The following MBD5 variants were observed in gnomAD, a reference collection of about 807,000 sequenced individuals.
The protein encoded by MBD5 is methyl-CpG-binding domain protein 5.
Under a neutral mutation model 117.3 loss-of-function variants are expected in MBD5, and 13 were observed. That is an observed-to-expected ratio of 0.11 (90% CI 0.07 to 0.18). MBD5 has a LOEUF of 0.18. Ranked by LOEUF, MBD5 falls within the 10% of genes least tolerant of loss-of-function variation. The probability of loss-of-function intolerance (pLI) is 1.00; values close to 1 mark genes in which losing one functional copy is unlikely to be tolerated. For missense variants in MBD5, 1,879 were observed against 2,093.8 expected, an observed-to-expected ratio of 0.90 and a Z score of 2.00; for synonymous variants, 727 against 766.4, an observed-to-expected ratio of 0.95 and a Z score of 0.85.
intron 1 of MBD5, among the ~76,000 whole-genome samples, chr2:148,151,698 A>G (rs1024424948): frequency 4.6e-5 from 7 of 151,908 alleles, no homozygotes; most frequent in Non-Finnish European, 7.4e-5. Flanking sequence ...GAATTTATCC[A>G]TTTCTTCTAG....
At chr2:148,453,829 T>A (rs1415039099) in intron 4 of MBD5, among the ~76,000 whole-genome samples, 4 of 152,012 alleles carry the variant, frequency 2.6e-5, no homozygotes, top group Non-Finnish European at 5.9e-5. Flanking sequence ...ATTTTAATAT[T>A]TAGCAAAAGA....
chr2:148,317,480 T>C (rs1310074892), intron 3 of MBD5, among the ~76,000 whole-genome samples: 1 of 152,232 alleles, frequency 6.6e-6, no homozygotes, highest in Non-Finnish European at 1.5e-5. Context: ...TTTAGTATAT[T>C]TAGTGGGTAC....
chr2:148,232,355 A>G (rs919659994), intron 2 of MBD5, among the ~76,000 whole-genome samples: 5 of 152,222 alleles, frequency 3.3e-5, no homozygotes, highest in African/African-American at 1.2e-4. Flanking sequence ...ATTTTTAAAA[A>G]TCATTCTTTT....
intron 2 of MBD5, among the ~76,000 whole-genome samples, chr2:148,231,210 C>T (rs1462170175): frequency 6.6e-6 from 1 of 152,198 alleles, no homozygotes; most frequent in African/African-American, 2.4e-5. Flanking sequence ...ATGAGGCTTG[C>T]AGGAACTCAA....
intron 4 of MBD5, among the ~76,000 whole-genome samples, chr2:148,415,509 T>G (rs1016326270): frequency 6.6e-6 from 1 of 152,196 alleles, no homozygotes; most frequent in African/African-American, 2.4e-5. Context: ...AATGTTGGCC[T>G]CTCTAGCGAG....
rs552648713 is a variant in MBD5, at chr2:148,276,913, C to A, written c.-680+43518C>A. On this transcript the variant is annotated intron_variant, in intron 3 of 13. Coordinates refer to ENST00000642680, the MANE Select transcript of MBD5 (RefSeq NM_001378120.1). The stretch of plus-strand genomic sequence containing the variant: ...GATTTCAGAATTTGGGGTAAAAATT[C>A]TATTGGTTCTTATTTGAAAAAATTA... Among the ~76,000 whole-genome samples the A allele has an allele frequency of 5.9e-5, 9 of 152,188 alleles. No homozygotes were observed. In the East Asian group the frequency reaches 1.5e-3, roughly 26 times the overall value.
Position 148,513,001 on chromosome 2 carries a change from A to C in MBD5, c.*60A>C. 7.0e-7 allele frequency: 1 copy of C among 1,426,634 alleles called. No individual in the cohort carries two copies. The highest frequency in any genetic ancestry group is 9.9e-7 in the Non-Finnish European group (1 of 1,009,944). The allele number at this position is 1,426,634 out of a possible 1,614,324, so 88.4% of individuals were successfully genotyped here. On this transcript the variant is annotated 3_prime_UTR_variant, in exon 14 of 14. Transcript: ENST00000642680. ...AAGGAACATGCACAGATGTATCTGT[A>C]TATAGGTATTGATATAGCCACAGTT...
At chr2:148,417,322 A>G (rs1239166930) in intron 4 of MBD5, among the ~76,000 whole-genome samples, 2 of 104,062 alleles carry the variant, frequency 1.9e-5, no homozygotes, top group African/African-American at 3.7e-5. Context: ...TACTTTTAGT[A>G]GAGATGGGGT....
chr2:148,419,363 C>T (rs1304501809), intron 4 of MBD5, among the ~76,000 whole-genome samples: 1 of 152,104 alleles, frequency 6.6e-6, no homozygotes, highest in Non-Finnish European at 1.5e-5. Context: ...AAATATGACA[C>T]AAATACACAA....
At chr2:148,122,730 T>C (rs1035861075) in intron 1 of MBD5, among the ~76,000 whole-genome samples, 8 of 152,358 alleles carry the variant, frequency 5.3e-5, no homozygotes, top group African/African-American at 1.9e-4. Context: ...GTTAGTAAAC[T>C]ATGCTATGTT....
chr2:148,361,103 G>A (rs925698042), intron 4 of MBD5, among the ~76,000 whole-genome samples: 2 of 152,078 alleles, frequency 1.3e-5, no homozygotes, highest in African/African-American at 4.8e-5. Flanking sequence ...ATGCCAACAC[G>A]TTGGGAGGCC....
chr2:148,327,937 T>A (rs1240326889), intron 3 of MBD5, among the ~76,000 whole-genome samples: 2 of 152,068 alleles, frequency 1.3e-5, no homozygotes, highest in Non-Finnish European at 2.9e-5. Context: ...GAGTTTCCAG[T>A]TTTTCTGCTC....
chr2:148,265,491 T>C (rs1046247140), intron 3 of MBD5, among the ~76,000 whole-genome samples: 2 of 152,180 alleles, frequency 1.3e-5, no homozygotes, highest in Non-Finnish European at 2.9e-5. Flanking sequence ...TCACAGATTA[T>C]TGAACAGTTA....
chr2:148,210,404 T>G (rs2106005594), intron 2 of MBD5, among the ~76,000 whole-genome samples: 2 of 152,196 alleles, frequency 1.3e-5, no homozygotes, highest in East Asian at 3.9e-4. Flanking sequence ...CAAGAGATAA[T>G]AGGTCTTATA....
At chr2:148,123,561 G>A (rs777219655) in intron 1 of MBD5, among the ~76,000 whole-genome samples, 13 of 152,142 alleles carry the variant, frequency 8.5e-5, no homozygotes, top group Non-Finnish European at 1.6e-4. Flanking sequence ...GATGGGGGAT[G>A]GATAATATAG....
At chr2:148,391,099 T>C (rs1364405398) in intron 4 of MBD5, among the ~76,000 whole-genome samples, 1 of 152,132 alleles carries the variant, frequency 6.6e-6, no homozygotes, top group Non-Finnish European at 1.5e-5. Flanking sequence ...AAATTGAAAC[T>C]CCCAAGACTC....
intron 1 of MBD5, among the ~76,000 whole-genome samples, chr2:148,065,105 A>G (rs1478500979): frequency 6.6e-6 from 1 of 152,076 alleles, no homozygotes; most frequent in Admixed American, 6.5e-5. Context: ...ACCACTTTCT[A>G]AAAGGAAGAT....
chr2:148,510,470 A>T (rs1559109300), intron 13 of MBD5, among the ~76,000 whole-genome samples: 1 of 152,224 alleles, frequency 6.6e-6, no homozygotes, highest in South Asian at 2.1e-4. Context: ...TTATATATGT[A>T]GTAATGCAAA....
chr2:148,496,722 C>T (rs1030252461), intron 11 of MBD5, among the ~76,000 whole-genome samples: 3 of 152,174 alleles, frequency 2.0e-5, no homozygotes, highest in Non-Finnish European at 4.4e-5. Flanking sequence ...CTGTAATGTA[C>T]TTCCCCAGTG....
Sources: allele counts gnomAD v4.1 joint callset (sites outside exome capture counted in the v4.1 genomes callset), GRCh38; gene constraint gnomAD v4.1.1; transcripts MANE v1.5; gene names NCBI Gene and HGNC (gene_info 2026-07-23, HGNC 2026-07-21).